TMEM63A: variants seen among roughly 807,000 people sequenced by gnomAD.
TMEM63A encodes transmembrane protein 63A, also known as mechanosensitive cation channel TMEM63A.
In TMEM63A, 76 loss-of-function variants were observed where a neutral mutation model predicts 100.6. The observed-to-expected ratio is 0.76, with a 90% CI of 0.63 to 0.91. TMEM63A has a LOEUF of 0.91. TMEM63A is among the 40% of genes least tolerant of loss of function. The probability of loss-of-function intolerance (pLI) is 0.00; values close to 1 mark genes in which losing one functional copy is unlikely to be tolerated. For synonymous variants in TMEM63A, 401 were observed against 401.1 expected (o/e 1.00, Z 0.00); for missense variants, 876 against 1,008.8 (o/e 0.87, Z 1.78).
At position 225,862,295 on chromosome 1, in the gene TMEM63A, T is replaced by C. The variant is rs1486945479; in HGVS notation, c.1008A>G (p.Thr336=). ...GGTCCTGGACGTGGCGTTCTTCCTC[T>C]GTGATCCTCTCCAGCAGCCTGTCCT... ...RMKDRLLERI[T]EEERHVQDQP... is the part of the protein sequence containing the mutation. The change falls in exon 13 of 25, where the codon ACA becomes ACG. Residue 336 remains threonine (T), a synonymous_variant. Transcript: ENST00000366835. The surrounding 1 kb of genome is among the most constrained non-coding windows in gnomAD (Gnocchi z 5.1). 4 of 1,614,072 alleles carry C rather than the reference T, an allele frequency of 2.5e-6. No individual in the cohort carries two copies. The African/African-American group carries it at 5.3e-5, about 22-fold the overall frequency.
In TMEM63A at chr1:225,867,290, T is replaced by C; in HGVS notation, c.515-127A>G. ...TGTCTGGACCAGCAGGAAGACAACG[T>C]CTGACTGGTCTTTCCAGAGCTACAC... On this transcript the variant is annotated intron_variant, in intron 7 of 24. Coordinates refer to ENST00000366835, the MANE Select transcript of TMEM63A (RefSeq NM_014698.3). The surrounding 1 kb of genome is among the most constrained non-coding windows in gnomAD (Gnocchi z 4.6). 1 of 947,792 alleles carries C rather than the reference T, an allele frequency of 1.1e-6. No homozygotes were observed. Among genetic ancestry groups the C allele is most frequent in the Admixed American group, 1.7e-5 (1 of 58,410 alleles). The allele number at this position is 947,792 out of a possible 1,614,324, so 58.7% of individuals were successfully genotyped here. A position where few individuals can be genotyped will look rare whatever the true frequency, so the allele number is the denominator to read the frequency against.
At chr1:225,876,796 G>A (rs1670827254) in intron 3 of TMEM63A, among the ~76,000 whole-genome samples, 2 of 151,854 alleles carry the variant, frequency 1.3e-5, no homozygotes, top group Admixed American at 6.6e-5. Flanking sequence ...TACAGGCGCC[G>A]ACCACCACAC....
chr1:225,868,382 G>A (rs904105166), intron 6 of TMEM63A, among the ~76,000 whole-genome samples: 2 of 152,080 alleles, frequency 1.3e-5, no homozygotes. Context: ...ATCACATTCA[G>A]AATAAAGTTA....
At chr1:225,877,620 G>A in intron 2 of TMEM63A, 26 bp from the exon 3 acceptor site, 1 of 1,581,754 alleles carries the variant, frequency 6.3e-7, no homozygotes, top group Non-Finnish European at 8.6e-7. Context: ...ACAGGACAAG[G>A]CAGACGTTCA....
Position 225,850,090 on chromosome 1 carries a change from T to A in TMEM63A, c.1904-11A>T. The A allele has an allele frequency of 6.2e-7, 1 of 1,613,828 alleles. No homozygotes were observed. Among genetic ancestry groups the A allele is most frequent in the Non-Finnish European group, 8.5e-7 (1 of 1,179,838 alleles). On this transcript the variant is annotated splice_polypyrimidine_tract_variant and intron_variant, in intron 20 of 24. Coordinates refer to ENST00000366835, the MANE Select transcript of TMEM63A (RefSeq NM_014698.3). ...GGATGTAGATGAGGCCTGCAGGGGA[T>A]GGGGCTGTGAGCTGGAGACCTCGCA...
At chr1:225,844,548 C>G (rs1226707994), downstream of TMEM63A, 2 of 1,614,074 alleles carry the variant, frequency 1.2e-6, no homozygotes, top group African/African-American at 1.3e-5. Context: ...TACTGGACAA[C>G]AGGCACCATC....
intron 4 of TMEM63A, 70 bp from the exon 5 acceptor site, chr1:225,872,123 A>T: frequency 8.2e-7 from 1 of 1,221,564 alleles, no homozygotes; most frequent in Non-Finnish European, 1.2e-6. Context: ...CAAGTCAAAA[A>T]GATCACATCC....
At chr1:225,845,358 T>TC (rs763539237), downstream of TMEM63A, 252 of 1,357,390 alleles carry the variant, frequency 1.9e-4, no homozygotes, top group Middle Eastern at 5.5e-4. Context: ...CCCACCCCTC[T>TC]CCCCCCGCCT....
At chr1:225,861,426 G>C (rs995809999) in intron 13 of TMEM63A, 1 of 153,328 alleles carries the variant, frequency 6.5e-6, no homozygotes, top group Non-Finnish European at 1.4e-5. Context: ...CCCTCCTCAG[G>C]GCTCCCACCT....
At chr1:225,842,277 T>C, downstream of TMEM63A, 2 of 1,007,828 alleles carry the variant, frequency 2.0e-6, no homozygotes, top group Admixed American at 3.5e-5. Flanking sequence ...AGCCCCGCCC[T>C]CTGCGGCCAG....
At chr1:225,848,736 C>T (rs1669160787) in intron 22 of TMEM63A, among the ~76,000 whole-genome samples, 161 bp downstream of exon 22, 2 of 152,216 alleles carry the variant, frequency 1.3e-5, no homozygotes, top group African/African-American at 4.8e-5. Flanking sequence ...GGAAGCTACA[C>T]ATGGCACCCA....
Position 225,849,015 on chromosome 1 carries a change from G to A in TMEM63A, c.2072-3C>T. 1.9e-6 allele frequency: 3 copies of A among 1,561,336 alleles called. No homozygotes were observed. The highest frequency in any genetic ancestry group is 2.6e-6 in the Non-Finnish European group (3 of 1,150,676). ...CAGAGTGGCGGGGGCCTTCATACCT[G>A]GTGATAGAGGGTGGCTAGCCTTGGG... On this transcript the variant is annotated splice_polypyrimidine_tract_variant and splice_region_variant and intron_variant, in intron 21 of 24. Coordinates refer to ENST00000366835, the MANE Select transcript of TMEM63A (RefSeq NM_014698.3).
rs780862615 is a variant in TMEM63A at position 225,847,230 on chromosome 1, T to A, written c.2251-17A>T. On this transcript the variant is annotated splice_polypyrimidine_tract_variant and intron_variant, in intron 23 of 24. Transcript: ENST00000366835. ...CACGTAGGGCTGTCAGCAAATGGAT[T>A]TGTGCTTGGCCTGGACAGGCATGAG... The A allele has an allele frequency of 6.2e-7, 1 of 1,610,762 alleles. No homozygotes were observed. The highest frequency in any genetic ancestry group is 1.3e-5 in the African/African-American group (1 of 75,038).
Position 225,848,913 on chromosome 1 carries a change from C to T in TMEM63A, c.2171G>A (p.Ser724Asn). ...HTCFGCFKHL[S>N]PLNYKTEEPA... ...GGCCTTTACTTTGTAGTTCAGAGGG[C>T]TGAGGTGCTTGAAGCATCCAAAGCA... The change falls in exon 22 of 25, where the codon AGC (serine) becomes AAC (asparagine). Residue 724 changes from serine (S) to asparagine (N), a missense_variant. This residue lies in a region of TMEM63A where 339 missense variants were observed against 342.3 expected (regional missense o/e 0.99). Coordinates refer to ENST00000366835, the MANE Select transcript of TMEM63A (RefSeq NM_014698.3). The T allele has an allele frequency of 6.3e-7, 1 of 1,593,306 alleles. No homozygotes were observed. The highest frequency in any genetic ancestry group is 8.5e-7 in the Non-Finnish European group (1 of 1,170,810).
Position 225,853,551 on chromosome 1 carries a change from G to A in TMEM63A, c.1797+78C>T. ...TGCTACCCACTAGTGGGGGTAGTGG[G>A]GGTGAGAGGCCCTCGGGTCAGTGAA... On this transcript the variant is annotated intron_variant, in intron 19 of 24. Transcript: ENST00000366835. This position sits in a 1 kb window ranked among gnomAD's most constrained non-coding sequence, Gnocchi z 4.0. 1 of 1,387,240 alleles carries A rather than the reference G, an allele frequency of 7.2e-7. No homozygotes were observed. Among genetic ancestry groups the A allele is most frequent in the Non-Finnish European group, 9.6e-7 (1 of 1,042,034 alleles). 85.9% of individuals were successfully genotyped at this position (1,387,240 alleles called of 1,614,324 possible). A position where few individuals can be genotyped will look rare whatever the true frequency, so the allele number is the denominator to read the frequency against.
chr1:225,844,457 A>G (rs766808872), downstream of TMEM63A: 12 of 1,613,776 alleles, frequency 7.4e-6, no homozygotes, highest in Admixed American at 6.7e-5. Context: ...ACACAACTGC[A>G]TGTGGCACTG....
intron 8 of TMEM63A, 169 bp from the exon 9 acceptor site, chr1:225,866,851 G>A (rs762527893): frequency 4.3e-5 from 30 of 690,756 alleles, no homozygotes; most frequent in Non-Finnish European, 3.0e-5. Flanking sequence ...AGCCCACAGT[G>A]AATACTTCAG....
chr1:225,880,461 T>G (rs1671034707), intron 1 of TMEM63A, among the ~76,000 whole-genome samples: 1 of 152,120 alleles, frequency 6.6e-6, no homozygotes, highest in Non-Finnish European at 1.5e-5. Context: ...AGCACCCAGC[T>G]GGCAGCTGTA....
rs888635469 is a variant in TMEM63A at position 225,862,956 on chromosome 1, C to T, written c.747-105G>A. On this transcript the variant is annotated intron_variant, in intron 10 of 24. Coordinates refer to ENST00000366835, the MANE Select transcript of TMEM63A (RefSeq NM_014698.3). The surrounding 1 kb of genome is among the most constrained non-coding windows in gnomAD (Gnocchi z 5.1). ...AAGGGAAAGGATGGCAGAGTGATCT[C>T]GCTGCTGGTTTCTGTGCCAGCGGAG... 31 of 1,081,062 alleles carry T rather than the reference C, an allele frequency of 2.9e-5. No homozygotes were observed. The highest frequency in any genetic ancestry group is 4.0e-5 in the Admixed American group (2 of 50,000). 67.0% of individuals were successfully genotyped at this position (1,081,062 alleles called of 1,614,324 possible). A position where few individuals can be genotyped will look rare whatever the true frequency, so the allele number is the denominator to read the frequency against.
Sources: allele counts gnomAD v4.1 joint callset (sites outside exome capture counted in the v4.1 genomes callset), GRCh38; gene constraint gnomAD v4.1.1; regional missense constraint gnomAD v4.1.1; non-coding constraint Gnocchi (gnomAD v3.1); transcripts MANE v1.5; gene names NCBI Gene and HGNC (gene_info 2026-07-23, HGNC 2026-07-21).